Variants in CACNA1C observed in about 807,000 individuals in gnomAD.
The protein encoded by CACNA1C is calcium voltage-gated channel subunit alpha1 C.
CACNA1C carries 30 observed loss-of-function variants against 229.0 expected under a neutral mutation model. The observed-to-expected ratio is 0.13, with a 90% CI of 0.10 to 0.18. The LOEUF (loss-of-function observed/expected upper bound fraction) is 0.18, where lower values mean the gene tolerates loss of function less well. Among genes scored for constraint, CACNA1C ranks in the 10% least tolerant of loss-of-function variants. The pLI, the probability that CACNA1C is intolerant of heterozygous loss-of-function variation, is 1.00. For synonymous variants in CACNA1C, 1,114 were observed against 1,132.5 expected, an observed-to-expected ratio of 0.98 and a Z score of 0.33; for missense variants, 1,658 against 2,845.0, an observed-to-expected ratio of 0.58 and a Z score of 9.49.
chr12:2,391,586 A>G (rs1463689384), intron 3 of CACNA1C, among the ~76,000 whole-genome samples: 2 of 138,080 alleles, frequency 1.4e-5, no homozygotes, highest in South Asian at 2.6e-4. Flanking sequence ...AGGAGCCATG[A>G]CAGTGGGCGG....
rs2090787149 is a variant in CACNA1C at position 2,632,267 on chromosome 12, G to A, written c.3829-2030G>A. On this transcript the variant is annotated intron_variant, in intron 29 of 46. Coordinates refer to ENST00000399655, the MANE Select transcript of CACNA1C (RefSeq NM_000719.7). This position sits in a 1 kb window ranked among gnomAD's most constrained non-coding sequence, Gnocchi z 4.1. ...TCGGTCCTTCCCCCTCCACCCATGGGGAATATGACCGCCTGTAGCTGGGGG... is the reference window on the plus strand; with the variant it reads ...TCGGTCCTTCCCCCTCCACCCATGGAGAATATGACCGCCTGTAGCTGGGGG... 6.9e-6 allele frequency among the ~76,000 whole-genome samples: 1 copy of A among 145,494 alleles called. No individual in the cohort carries two copies. Among genetic ancestry groups the A allele is most frequent in the Non-Finnish European group, 1.5e-5 (1 of 66,648 alleles).
chr12:2,064,200 C>T (rs1215640703), intron 1 of CACNA1C, among the ~76,000 whole-genome samples: 1 of 152,192 alleles, frequency 6.6e-6, no homozygotes, highest in Non-Finnish European at 1.5e-5. Flanking sequence ...TCTCTATATC[C>T]AGTTCAGCTT....
chr12:2,542,608 A>C (rs1217919078), intron 9 of CACNA1C, among the ~76,000 whole-genome samples: 1 of 152,226 alleles, frequency 6.6e-6, no homozygotes, highest in Admixed American at 6.5e-5. Flanking sequence ...GGCAATCTAC[A>C]CAATGGCTTA....
chr12:1,975,365 CT>C (rs33992737), intron 1 of CACNA1C, among the ~76,000 whole-genome samples: 45,881 of 151,946 alleles, frequency 0.3, 7,167 homozygotes, highest in East Asian at 0.51. Context: ...AGTAAATTTA[CT>C]TTGATTCCAG....
chr12:2,276,190 G>T (rs377321868), intron 3 of CACNA1C, among the ~76,000 whole-genome samples: 26 of 152,290 alleles, frequency 1.7e-4, no homozygotes, highest in African/African-American at 6.0e-4. Flanking sequence ...CATAGGCAAG[G>T]ATATGCTTAA....
Position 2,597,770 on chromosome 12 carries a change from G to A in CACNA1C, c.2853+481G>A, listed in dbSNP as rs2069153873. ...ACGTGTTGGCTGTGCCAACATTAAG[G>A]CTGCCATTTCACTGGTTGGGGCTGC... is the stretch of plus-strand genomic sequence containing the variant. On this transcript the variant is annotated intron_variant, in intron 21 of 46. Transcript: ENST00000399655. The surrounding 1 kb of genome is among the most constrained non-coding windows in gnomAD (Gnocchi z 4.3). 6.6e-6 allele frequency among the ~76,000 whole-genome samples: 1 copy of A among 152,170 alleles called. No homozygotes were observed. Among genetic ancestry groups the A allele is most frequent in the Non-Finnish European group, 1.5e-5 (1 of 68,030 alleles).
intron 5 of CACNA1C, among the ~76,000 whole-genome samples, chr12:2,462,332 C>A (rs1369164513): frequency 6.7e-6 from 1 of 149,058 alleles, no homozygotes; most frequent in Non-Finnish European, 1.5e-5. Context: ...CCTCCTCGGC[C>A]CGCCCCTTGG....
At chr12:1,980,131 T>C (rs761062918) in intron 1 of CACNA1C, among the ~76,000 whole-genome samples, 92 of 152,192 alleles carry the variant, frequency 6.0e-4, no homozygotes, top group Non-Finnish European at 1.1e-3. Flanking sequence ...CCAAGATAGA[T>C]AGGCATACAT....
At position 2,633,510 on chromosome 12, in the gene CACNA1C, C is replaced by T. The variant is rs1291109467; in HGVS notation, c.3829-787C>T. 21 of 720,042 alleles carry T rather than the reference C, an allele frequency of 2.9e-5. No homozygotes were observed. Among genetic ancestry groups the T allele is most frequent in the Admixed American group, 2.0e-4 (9 of 43,904 alleles). 44.6% of individuals were successfully genotyped at this position (720,042 alleles called of 1,614,324 possible). ...GGCTCCTGGCCATGGTGAGGGCGTC[C>T]GGAACTCCAGAGGCAACACGGAGGT... On this transcript the variant is annotated intron_variant, in intron 29 of 46. Transcript: ENST00000399655. The surrounding 1 kb of genome is among the most constrained non-coding windows in gnomAD (Gnocchi z 5.8).
At chr12:2,219,755 G>C (rs1386369073) in intron 3 of CACNA1C, among the ~76,000 whole-genome samples, 1 of 152,246 alleles carries the variant, frequency 6.6e-6, no homozygotes, top group Non-Finnish European at 1.5e-5. Context: ...TTGCTTTCAC[G>C]AACACTGAGT....
chr12:1,991,278 C>T, intron 1 of CACNA1C: 1 of 454,114 alleles, frequency 2.2e-6, no homozygotes, highest in South Asian at 1.6e-5. Flanking sequence ...GTCTACTCCA[C>T]AAAATTGTGA....
At chr12:2,153,143 G>C (rs2095375323) in intron 3 of CACNA1C, among the ~76,000 whole-genome samples, 1 of 152,150 alleles carries the variant, frequency 6.6e-6, no homozygotes, top group Non-Finnish European at 1.5e-5. Context: ...GAATGGAGCA[G>C]TTGATTTTCC....
chr12:2,363,441 C>T (rs547793795), intron 3 of CACNA1C, among the ~76,000 whole-genome samples: 34 of 152,342 alleles, frequency 2.2e-4, no homozygotes, highest in African/African-American at 7.7e-4. Flanking sequence ...GTTACCAACC[C>T]GTACTCACAA....
In CACNA1C at chr12:2,539,895, A is replaced by G. The variant is rs534223432; in HGVS notation, c.1391-10048A>G. On this transcript the variant is annotated intron_variant, in intron 9 of 46. Coordinates refer to ENST00000399655, the MANE Select transcript of CACNA1C (RefSeq NM_000719.7). Reference sequence around the variant, plus strand: ...TTTCATAAAGATGCAGGCAGGGTTTAAGGAAGCCAGCAAGTACAGTACCCC... The same window carrying G: ...TTTCATAAAGATGCAGGCAGGGTTTGAGGAAGCCAGCAAGTACAGTACCCC... Among the ~76,000 whole-genome samples the G allele has an allele frequency of 2.0e-5, 3 of 152,170 alleles. No homozygotes were observed. The South Asian group carries it at 6.2e-4, about 32-fold the overall frequency.
intron 1 of CACNA1C, among the ~76,000 whole-genome samples, chr12:2,104,364 G>A (rs964789460): frequency 6.6e-6 from 1 of 152,080 alleles, no homozygotes; most frequent in Admixed American, 6.5e-5. Context: ...CTCATGATTT[G>A]GCTGTCTGTC....
intron 3 of CACNA1C, among the ~76,000 whole-genome samples, chr12:2,171,956 G>GT (rs1404819669): frequency 1.3e-5 from 2 of 152,190 alleles, no homozygotes; most frequent in African/African-American, 4.8e-5. Flanking sequence ...GGGAAGACCA[G>GT]TATGCAGATG....
chr12:2,637,327 A>G (rs2092890705), intron 30 of CACNA1C, among the ~76,000 whole-genome samples: 1 of 152,246 alleles, frequency 6.6e-6, no homozygotes, highest in South Asian at 2.1e-4. Context: ...CAGGCAAATG[A>G]CATTCCTTCC....
chr12:2,634,585 T>C (rs1179550582), intron 30 of CACNA1C, among the ~76,000 whole-genome samples: 1 of 151,838 alleles, frequency 6.6e-6, no homozygotes, highest in Admixed American at 6.6e-5. Context: ...TGGAACGCAT[T>C]AGGCCTTCCC....
In CACNA1C at chr12:2,079,102, G is replaced by T. The variant is rs186426222; in HGVS notation, c.49+25491G>T. ...AATGAGAACACATGGACACAAGAAG[G>T]GGTACATCACACACCAGGGGCTGTT... On this transcript the variant is annotated intron_variant, in intron 1 of 46. Coordinates refer to ENST00000399655, the MANE Select transcript of CACNA1C (RefSeq NM_000719.7). 4.8e-5 allele frequency among the ~76,000 whole-genome samples: 7 copies of T among 145,254 alleles called. No individual in the cohort carries two copies. In the Admixed American group the frequency reaches 4.9e-4, roughly 10 times the overall value.
Sources: gnomAD v4.1 joint callset for allele counts (sites outside exome capture counted in the v4.1 genomes callset) on GRCh38, gnomAD v4.1.1 for gene constraint, Gnocchi (gnomAD v3.1) non-coding constraint, MANE v1.5 for transcripts, NCBI Gene and HGNC (gene_info 2026-07-23, HGNC 2026-07-21) for gene names.